The following ENAH variants were observed in gnomAD, a reference collection of about 807,000 sequenced individuals.
ENAH encodes protein enabled homolog.
ENAH carries 23 observed loss-of-function variants against 78.7 expected under a neutral mutation model. The observed-to-expected ratio is 0.29, with a 90% confidence interval of 0.21 to 0.41. The LOEUF (loss-of-function observed/expected upper bound fraction) is 0.41, where lower values mean the gene tolerates loss of function less well. Among genes scored for constraint, ENAH ranks in the 10% least tolerant of loss-of-function variants. ENAH has a pLI of 1.00. For synonymous variants in ENAH, 226 were observed against 241.0 expected (o/e 0.94, Z 0.58); for missense variants, 544 against 691.0 (o/e 0.79, Z 2.39).
intron 1 of ENAH, among the ~76,000 whole-genome samples, chr1:225,650,676 C>G (rs1174258641): frequency 6.6e-6 from 1 of 151,638 alleles, no homozygotes; most frequent in African/African-American, 2.4e-5. Context: ...TGGTGAAACC[C>G]CGTCTCTACT....
intron 3 of ENAH, among the ~76,000 whole-genome samples, chr1:225,545,931 T>C (rs1575477106): frequency 6.7e-6 from 1 of 149,780 alleles, no homozygotes. Context: ...TTTTTTTTTT[T>C]TTTTTTAAAG....
intron 11 of ENAH, among the ~76,000 whole-genome samples, chr1:225,505,552 T>G (rs1269321073): frequency 6.6e-6 from 1 of 152,224 alleles, no homozygotes; most frequent in African/African-American, 2.4e-5. Context: ...TAATCCATCT[T>G]ACCACTAACG....
intron 3 of ENAH, among the ~76,000 whole-genome samples, chr1:225,533,779 G>T (rs894323522): frequency 6.6e-6 from 1 of 152,022 alleles, no homozygotes; most frequent in Non-Finnish European, 1.5e-5. Context: ...TTGAGTTTTG[G>T]TTAAAGCACA....
chr1:225,653,000 G>T lies in ENAH; in HGVS notation c.-310C>A. ...TGCTCCTCCTCCCGGAGCTTCCTCG[G>T]CCGCCCTCTGAGGGGTGCCCGCCGG... On this transcript the variant is annotated 5_prime_UTR_variant, in exon 1 of 14. Transcript: ENST00000366843. 3.7e-6 allele frequency: 1 copy of T among 267,408 alleles called. No individual in the cohort carries two copies. Among genetic ancestry groups the T allele is most frequent in the Non-Finnish European group, 7.0e-6 (1 of 142,594 alleles). 16.6% of individuals were successfully genotyped at this position (267,408 alleles called of 1,614,324 possible). A position where few individuals can be genotyped will look rare whatever the true frequency, so the allele number is the denominator to read the frequency against.
intron 1 of ENAH, among the ~76,000 whole-genome samples, chr1:225,569,764 A>T (rs1387227666): frequency 2.6e-5 from 4 of 152,238 alleles, no homozygotes; most frequent in Non-Finnish European, 1.5e-5. Flanking sequence ...AACATTTCCA[A>T]TTCTAAACAA....
chr1:225,515,182 A>C, intron 6 of ENAH: 1 of 376,016 alleles, frequency 2.7e-6, no homozygotes, highest in Non-Finnish European at 4.7e-6. Flanking sequence ...GGATTTGGTA[A>C]ATAAGCAAAA....
chr1:225,593,417 G>T (rs1163506490), intron 1 of ENAH, among the ~76,000 whole-genome samples: 11 of 63,368 alleles, frequency 1.7e-4, no homozygotes, highest in Non-Finnish European at 3.3e-4. Flanking sequence ...GGGGGGGGGG[G>T]TGGGGGGTGC....
At chr1:225,642,415 G>A (rs1661240296) in intron 1 of ENAH, among the ~76,000 whole-genome samples, 1 of 152,118 alleles carries the variant, frequency 6.6e-6, no homozygotes, top group Non-Finnish European at 1.5e-5. Flanking sequence ...ATGTTGTCAT[G>A]AGGAGGCTGC....
intron 1 of ENAH, among the ~76,000 whole-genome samples, chr1:225,651,001 T>A (rs540564543): frequency 6.6e-6 from 1 of 151,552 alleles, no homozygotes; most frequent in Non-Finnish European, 1.5e-5. Context: ...CAACAACATA[T>A]AATATTACAA....
chr1:225,652,756 G>C lies in ENAH; in HGVS notation c.-66C>G, dbSNP rs929905958. ...GCAGAAGGCGCCGAGCCGAGGGGGG[G>C]GTCTCTCCTCCAGGGGTGGGGAGCA... is the stretch of plus-strand genomic sequence containing the variant. On this transcript the variant is annotated 5_prime_UTR_variant, in exon 1 of 14. Transcript: ENST00000366843. The C allele has an allele frequency of 2.3e-6, 3 of 1,283,198 alleles. No homozygotes were observed. The highest frequency in any genetic ancestry group is 4.8e-5 in the South Asian group (2 of 41,460). The allele number at this position is 1,283,198 out of a possible 1,614,324, so 79.5% of individuals were successfully genotyped here. A position where few individuals can be genotyped will look rare whatever the true frequency, so the allele number is the denominator to read the frequency against.
chr1:225,505,995 C>A (rs373800735), intron 11 of ENAH, among the ~76,000 whole-genome samples: 1 of 151,920 alleles, frequency 6.6e-6, no homozygotes, highest in East Asian at 1.9e-4. Flanking sequence ...AAAAAAAAAT[C>A]TTTTTTTCCC....
intron 3 of ENAH, among the ~76,000 whole-genome samples, chr1:225,551,840 G>T (rs1477964839): frequency 6.6e-6 from 1 of 152,148 alleles, no homozygotes; most frequent in Non-Finnish European, 1.5e-5. Context: ...AGTTTGTTCT[G>T]CTTCTCATCA....
At position 225,512,722 on chromosome 1, in the gene ENAH, G is replaced by C; in HGVS notation, c.1365-8C>G. On this transcript the variant is annotated splice_region_variant and splice_polypyrimidine_tract_variant and intron_variant, in intron 8 of 13. Coordinates refer to ENST00000366843, the MANE Select transcript of ENAH (RefSeq NM_018212.6). ...TTTTCAGCAATTCTTCTCCTACAAA[G>C]AAGGCAAATCCGATTTTTAAAAATA... The C allele has an allele frequency of 6.2e-7, 1 of 1,613,084 alleles. No individual in the cohort carries two copies. The highest frequency in any genetic ancestry group is 8.5e-7 in the Non-Finnish European group (1 of 1,179,630).
At chr1:225,532,368 A>T (rs2096542152) in intron 3 of ENAH, among the ~76,000 whole-genome samples, 1 of 152,104 alleles carries the variant, frequency 6.6e-6, no homozygotes, top group Non-Finnish European at 1.5e-5. Context: ...CTATTTTTTA[A>T]AATAATGTTT....
chr1:225,503,799 T>G (rs1047338491), intron 11 of ENAH, among the ~76,000 whole-genome samples: 1 of 152,096 alleles, frequency 6.6e-6, no homozygotes, highest in African/African-American at 2.4e-5. Flanking sequence ...AAGTAAGAAT[T>G]TGGCCAGAGT....
At chr1:225,511,468 T>C (rs1271987679) in intron 10 of ENAH, among the ~76,000 whole-genome samples, 2 of 152,230 alleles carry the variant, frequency 1.3e-5, no homozygotes, top group African/African-American at 4.8e-5. Context: ...ATCACCCAAA[T>C]GAATGGCTAG....
chr1:225,593,578 A>C (rs934430291), intron 1 of ENAH, among the ~76,000 whole-genome samples: 2 of 152,148 alleles, frequency 1.3e-5, no homozygotes, highest in Non-Finnish European at 2.9e-5. Context: ...AACAGAACAA[A>C]TATGATGAAA....
chr1:225,594,487 C>A (rs2096893001), intron 1 of ENAH, among the ~76,000 whole-genome samples: 1 of 152,142 alleles, frequency 6.6e-6, no homozygotes. Flanking sequence ...CTGCCTTCTT[C>A]CAAAAACATC....
At chr1:225,499,277 AT>A (rs200468126) in intron 12 of ENAH, among the ~76,000 whole-genome samples, 17 of 151,968 alleles carry the variant, frequency 1.1e-4, no homozygotes, top group Middle Eastern at 3.4e-3. Flanking sequence ...CAAAAAAAAA[AT>A]AAATAAATAA....
Sources: allele counts gnomAD v4.1 joint callset (sites outside exome capture counted in the v4.1 genomes callset), GRCh38; gene constraint gnomAD v4.1.1; transcripts MANE v1.5; gene names NCBI Gene and HGNC (gene_info 2026-07-23, HGNC 2026-07-21).